The following DOCK1 variants were observed in gnomAD, a reference collection of about 807,000 sequenced individuals.
DOCK1 encodes the protein dedicator of cytokinesis 1.
Under a neutral mutation model 262.7 loss-of-function variants are expected in DOCK1, and 138 were observed. The observed-to-expected ratio is 0.53, with a 90% CI of 0.46 to 0.61. The LOEUF is 0.61. DOCK1 is among the 20% of genes least tolerant of loss of function. The pLI, the probability that DOCK1 is intolerant of heterozygous loss-of-function variation, is 0.00. For synonymous variants in DOCK1, 866 were observed against 867.4 expected (o/e 1.00, Z 0.03); for missense variants, 1,908 against 2,370.7 (o/e 0.80, Z 4.05).
intron 33 of DOCK1, among the ~76,000 whole-genome samples, chr10:127,366,660 C>T (rs2064931301): frequency 7.3e-6 from 1 of 136,538 alleles, no homozygotes; most frequent in Non-Finnish European, 1.6e-5. Context: ...CAAGGGATGG[C>T]CCCTATTGTC....
At position 127,382,879 on chromosome 10, in the gene DOCK1, T is replaced by C. The variant is rs1397551148; in HGVS notation, c.3807+1511T>C. On this transcript the variant is annotated intron_variant, in intron 37 of 51. Coordinates refer to ENST00000623213, the MANE Select transcript of DOCK1 (RefSeq NM_001290223.2). Reference sequence around the variant, plus strand: ...ACAGATGGGTTTGTCACAAACTGCATGATGGTTTGTTTCACAACTCAAATC... The same window carrying C: ...ACAGATGGGTTTGTCACAAACTGCACGATGGTTTGTTTCACAACTCAAATC... Among the ~76,000 whole-genome samples, 2 of 152,258 alleles carry C rather than the reference T, an allele frequency of 1.3e-5. 1 individual carries two copies. Among genetic ancestry groups the C allele is most frequent in the African/African-American group, 4.8e-5 (2 of 41,476 alleles).
chr10:126,925,965 G>A (rs2134142666), intron 1 of DOCK1, among the ~76,000 whole-genome samples: 1 of 152,202 alleles, frequency 6.6e-6, no homozygotes, highest in Middle Eastern at 3.4e-3. Context: ...GAACCCGTGA[G>A]GGAGGTGCCT....
chr10:127,096,392 T>G (rs1335716661), intron 23 of DOCK1, among the ~76,000 whole-genome samples: 1 of 152,158 alleles, frequency 6.6e-6, no homozygotes, highest in Non-Finnish European at 1.5e-5. Context: ...CCCCAAATCT[T>G]CCAAAGACAG....
chr10:127,350,321 GTC>G (rs1265113906), intron 31 of DOCK1, among the ~76,000 whole-genome samples: 2 of 151,658 alleles, frequency 1.3e-5, no homozygotes, highest in Non-Finnish European at 2.9e-5. Flanking sequence ...TCACCCCCTG[GTC>G]TCTCAAACAG....
At chr10:126,984,154 G>A (rs761668500) in intron 4 of DOCK1, among the ~76,000 whole-genome samples, 3 of 151,880 alleles carry the variant, frequency 2.0e-5, no homozygotes, top group East Asian at 1.9e-4. Flanking sequence ...CCTCTGTTGC[G>A]TTTCCCTCTT....
At position 127,361,153 on chromosome 10, in the gene DOCK1, G is replaced by A. The variant is rs376356061; in HGVS notation, c.3284-911G>A. ...TTTTGAGACAGAGTCTTGCTCTGTC[G>A]CCCAGGCTGGAGTGCACTGGCGTGA... is the stretch of plus-strand genomic sequence containing the variant. On this transcript the variant is annotated intron_variant, in intron 32 of 51. Coordinates refer to ENST00000623213, the MANE Select transcript of DOCK1 (RefSeq NM_001290223.2). Among the ~76,000 whole-genome samples the A allele has an allele frequency of 2.1e-4, 25 of 119,746 alleles. No homozygotes were observed. In the East Asian group the frequency reaches 4.3e-3, roughly 21 times the overall value. 78.6% of individuals were successfully genotyped at this position (119,746 alleles called of 152,430 possible).
chr10:126,957,967 G>A (rs879087845), intron 1 of DOCK1, among the ~76,000 whole-genome samples: 23,265 of 152,130 alleles, frequency 0.15, 2,025 homozygotes, highest in South Asian at 0.27. Flanking sequence ...CAGACATAAA[G>A]GAGCACATAG....
At chr10:127,231,950 C>T (rs539394607) in intron 27 of DOCK1, among the ~76,000 whole-genome samples, 2 of 152,252 alleles carry the variant, frequency 1.3e-5, no homozygotes, top group South Asian at 4.2e-4. Context: ...CTTCAACAAG[C>T]AAAACCAAGG....
chr10:127,364,552 G>C lies in DOCK1; in HGVS notation c.3432+2340G>C, dbSNP rs1300776367. 2.0e-5 allele frequency among the ~76,000 whole-genome samples: 3 copies of C among 152,212 alleles called. No individual in the cohort carries two copies. In the East Asian group the frequency reaches 5.8e-4, roughly 30 times the overall value. On this transcript the variant is annotated intron_variant, in intron 33 of 51. Transcript: ENST00000623213. ...GGCTAATTTTTGTATTTTTAGTAGA[G>C]ACGGTGTTTCACCACGTTGGCCAGG...
chr10:126,982,007 G>GC, intron 4 of DOCK1, 34 bp downstream of exon 4: 2 of 1,608,406 alleles, frequency 1.2e-6, no homozygotes, highest in Non-Finnish European at 1.7e-6. Context: ...ATGAAGAATT[G>GC]CAAGTACTAT....
chr10:127,185,212 CCTT>C (rs2056115960), intron 27 of DOCK1, among the ~76,000 whole-genome samples: 1 of 152,110 alleles, frequency 6.6e-6, no homozygotes, highest in South Asian at 2.1e-4. Context: ...GCTCAGTCAT[CCTT>C]CTTTACTTAC....
rs1029663515 is a variant in DOCK1 at position 127,038,666 on chromosome 10, G to A, written c.2010+850G>A. On this transcript the variant is annotated intron_variant, in intron 19 of 51. Transcript: ENST00000623213. Reference sequence around the variant, plus strand: ...CCACGGGACGCTCTGCAGCAGTGTCGGGTATAATTATTCATTCAGACCCTT... The same window carrying A: ...CCACGGGACGCTCTGCAGCAGTGTCAGGTATAATTATTCATTCAGACCCTT... Among the ~76,000 whole-genome samples the A allele has an allele frequency of 2.0e-5, 3 of 152,240 alleles. No homozygotes were observed. In the East Asian group the frequency reaches 5.8e-4, roughly 29 times the overall value.
intron 29 of DOCK1, among the ~76,000 whole-genome samples, chr10:127,302,122 G>A (rs1425842837): frequency 6.8e-6 from 1 of 147,868 alleles, no homozygotes; most frequent in Non-Finnish European, 1.5e-5. Context: ...CTGTGGCCCG[G>A]AGCTTTTCCA....
intron 7 of DOCK1, chr10:126,997,799 A>C (rs1235548606): frequency 9.1e-6 from 3 of 330,368 alleles, no homozygotes; most frequent in Non-Finnish European, 1.7e-5. Flanking sequence ...GGGAACAAAA[A>C]ATTAAATAAC....
chr10:127,236,755 A>G (rs1319803034), intron 27 of DOCK1, among the ~76,000 whole-genome samples: 1 of 151,876 alleles, frequency 6.6e-6, no homozygotes, highest in African/African-American at 2.4e-5. Context: ...ATTCTTCTGT[A>G]TATGGTTTTG....
At chr10:127,078,370 G>T (rs1045783550) in intron 23 of DOCK1, among the ~76,000 whole-genome samples, 36 of 152,246 alleles carry the variant, frequency 2.4e-4, no homozygotes, top group African/African-American at 7.7e-4. Context: ...GAGCCCCTTT[G>T]GGGGTGTGGG....
intron 1 of DOCK1, among the ~76,000 whole-genome samples, chr10:126,925,265 C>A (rs1226261352): frequency 6.6e-6 from 1 of 152,244 alleles, no homozygotes; most frequent in Non-Finnish European, 1.5e-5. Context: ...TGCACACACA[C>A]ATATACATGT....
At chr10:127,227,459 G>A (rs888918146) in intron 27 of DOCK1, among the ~76,000 whole-genome samples, 1 of 152,158 alleles carries the variant, frequency 6.6e-6, no homozygotes, top group Admixed American at 6.5e-5. Context: ...AAGCAGGCAC[G>A]AAAGGCATAT....
chr10:127,340,143 A>T (rs987832871), intron 30 of DOCK1, among the ~76,000 whole-genome samples: 1 of 152,208 alleles, frequency 6.6e-6, no homozygotes, highest in African/African-American at 2.4e-5. Context: ...ATCAGGTGCC[A>T]TATATCTAAA....
Sources: allele counts gnomAD v4.1 joint callset (sites outside exome capture counted in the v4.1 genomes callset), GRCh38; gene constraint gnomAD v4.1.1; transcripts MANE v1.5; gene names NCBI Gene and HGNC (gene_info 2026-07-23, HGNC 2026-07-21).